The following ZNF710 variants were observed in gnomAD, a reference collection of about 807,000 sequenced individuals.
ZNF710 encodes the protein zinc finger protein 710.
Under a neutral mutation model 50.6 loss-of-function variants are expected in ZNF710, and 13 were observed. The ratio of observed to expected loss-of-function variants is 0.26; its 90% CI spans 0.17 to 0.41. The LOEUF (loss-of-function observed/expected upper bound fraction) is 0.41. Among genes scored for constraint, ZNF710 ranks in the 10% least tolerant of loss-of-function variants. The pLI is 1.00. For synonymous variants in ZNF710, 383 were observed against 397.0 expected (o/e 0.96, Z 0.42); for missense variants, 721 against 936.6 (o/e 0.77, Z 3.01).
intron 1 of ZNF710, among the ~76,000 whole-genome samples, chr15:90,013,704 C>A (rs1055955831): frequency 2.0e-5 from 3 of 152,172 alleles, no homozygotes; most frequent in African/African-American, 7.2e-5. Context: ...TATCACCAGA[C>A]GCTCTCCTTT....
chr15:90,056,354 C>T (rs1415392283), intron 1 of ZNF710, among the ~76,000 whole-genome samples: 1 of 152,012 alleles, frequency 6.6e-6, no homozygotes, highest in African/African-American at 2.4e-5. Context: ...GCGGAGGTTG[C>T]GGTGAGCCGA....
intron 4 of ZNF710, chr15:90,076,055 G>C (rs1344227461): frequency 2.6e-5 from 4 of 152,132 alleles, no homozygotes; most frequent in African/African-American, 9.7e-5. Context: ...AGTAGATCTG[G>C]GGTGGGGTCT....
chr15:90,032,988 A>T (rs968993570), intron 1 of ZNF710, among the ~76,000 whole-genome samples: 4 of 152,202 alleles, frequency 2.6e-5, no homozygotes, highest in South Asian at 2.1e-4. Flanking sequence ...ATATATCTGC[A>T]TTTAAAATTC....
chr15:90,043,062 A>T (rs1038294197), intron 1 of ZNF710, among the ~76,000 whole-genome samples: 7 of 152,196 alleles, frequency 4.6e-5, no homozygotes, highest in African/African-American at 1.7e-4. Context: ...CAGTCCCTCG[A>T]GGGGACAGCC....
At position 90,003,997 on chromosome 15, in the gene ZNF710, G is replaced by A. The variant is rs116396351; in HGVS notation, c.-29+2383G>A. ...GTGTCTTGGTGGAGGGGGCTGCAGT[G>A]AGTTGAAGTGGGACGCGGGCTCACT... On this transcript the variant is annotated intron_variant, in intron 1 of 4. Coordinates refer to ENST00000268154, the MANE Select transcript of ZNF710 (RefSeq NM_198526.4). 8.1e-3 allele frequency among the ~76,000 whole-genome samples: 1,231 copies of A among 152,260 alleles called. 19 individuals are homozygous for A. The highest frequency in any genetic ancestry group is 0.028 in the African/African-American group (1,161 of 41,548).
upstream of ZNF710, among the ~76,000 whole-genome samples, chr15:90,000,818 G>T (rs1221348560): frequency 6.6e-6 from 1 of 152,084 alleles, no homozygotes; most frequent in Non-Finnish European, 1.5e-5. Context: ...CCCAACACCC[G>T]CACCGGCTCT....
chr15:90,045,455 T>C, intron 1 of ZNF710: 1 of 947,102 alleles, frequency 1.1e-6, no homozygotes, highest in Non-Finnish European at 1.3e-6. Flanking sequence ...AGGTCAACAC[T>C]GAGGTGAGCG....
intron 1 of ZNF710, among the ~76,000 whole-genome samples, chr15:90,013,615 G>T (rs1442259122): frequency 6.6e-6 from 1 of 152,128 alleles, no homozygotes; most frequent in African/African-American, 2.4e-5. Flanking sequence ...GCCTGCCAAT[G>T]ACCACAGATT....
At chr15:90,000,226 C>CCATG (rs1400437687), upstream of ZNF710, among the ~76,000 whole-genome samples, 1 of 152,254 alleles carries the variant, frequency 6.6e-6, no homozygotes, top group Non-Finnish European at 1.5e-5. Context: ...CCCGGGCGCC[C>CCATG]CATGAATAAT....
chr15:90,062,172 C>A lies in ZNF710; in HGVS notation c.-28-4938C>A, dbSNP rs1177238754. ...CTCCCTCCCCCTCACTCAGGCTCCT[C>A]CTCTGCCCCCCCTTCCCTGTCTCTT... is the stretch of plus-strand genomic sequence containing the variant. On this transcript the variant is annotated intron_variant, in intron 1 of 4. Coordinates refer to ENST00000268154, the MANE Select transcript of ZNF710 (RefSeq NM_198526.4). This position sits in a 1 kb window ranked among gnomAD's most constrained non-coding sequence, Gnocchi z 5.6. Among the ~76,000 whole-genome samples the A allele has an allele frequency of 6.6e-6, 1 of 150,612 alleles. No individual in the cohort carries two copies. The highest frequency in any genetic ancestry group is 1.5e-5 in the Non-Finnish European group (1 of 67,584).
Position 90,067,913 on chromosome 15 carries a change from C to T in ZNF710, c.776C>T (p.Ala259Val), listed in dbSNP as rs151015405. The stretch of plus-strand genomic sequence containing the variant: ...GCCAGTGAGTTCGAGGCTGACACGG[C>T]GGGTTCGACCGTGGAACGCCACAAG... ...QEASEFEADT[A>V]GSTVERHKKA... The change falls in exon 2 of 5, where the codon GCG becomes GTG. Residue 259 changes from alanine (A) to valine (V), a missense_variant. Physicochemically the swap from Ala to Val is moderately conservative, Grantham distance 64. Coordinates refer to ENST00000268154, the MANE Select transcript of ZNF710 (RefSeq NM_198526.4). This position sits in a 1 kb window ranked among gnomAD's most constrained non-coding sequence, Gnocchi z 8.1. The T allele has an allele frequency of 3.5e-5, 56 of 1,610,740 alleles. No homozygotes were observed. The highest frequency in any genetic ancestry group is 3.3e-4 in the African/African-American group (25 of 75,068).
chr15:90,050,203 T>C (rs1899596810), intron 1 of ZNF710, among the ~76,000 whole-genome samples: 1 of 152,220 alleles, frequency 6.6e-6, no homozygotes, highest in Non-Finnish European at 1.5e-5. Flanking sequence ...GCTGGGTGTG[T>C]GGGTGACTGC....
intron 1 of ZNF710, among the ~76,000 whole-genome samples, chr15:90,057,720 T>C (rs1899867318): frequency 6.7e-6 from 1 of 148,858 alleles, no homozygotes; most frequent in South Asian, 2.1e-4. Context: ...ATAATAATAA[T>C]AATAATTTGG....
chr15:90,040,198 C>T lies in ZNF710; in HGVS notation c.-28-26912C>T, dbSNP rs1003196555. Among the ~76,000 whole-genome samples the T allele has an allele frequency of 6.6e-6, 1 of 152,222 alleles. No individual in the cohort carries two copies. Among genetic ancestry groups the T allele is most frequent in the African/African-American group, 2.4e-5 (1 of 41,466 alleles). On this transcript the variant is annotated intron_variant, in intron 1 of 4. Transcript: ENST00000268154. The surrounding 1 kb of genome is among the most constrained non-coding windows in gnomAD (Gnocchi z 4.6). ...GTCACCCAGGCCTCAGGCCTGTGCA[C>T]TGTGGCCACTGCCTCCTCTGCACGT...
intron 1 of ZNF710, among the ~76,000 whole-genome samples, chr15:90,021,016 C>G (rs566256270): frequency 9.4e-6 from 1 of 106,218 alleles, no homozygotes; most frequent in East Asian, 2.0e-4. Flanking sequence ...GGCACCCCCC[C>G]CCCCTTAGCA....
At position 90,072,991 on chromosome 15, in the gene ZNF710, C is replaced by T. The variant is rs547047999; in HGVS notation, c.1459-80C>T. On this transcript the variant is annotated intron_variant, in intron 2 of 4. Coordinates refer to ENST00000268154, the MANE Select transcript of ZNF710 (RefSeq NM_198526.4). ...GCCTTTGTGATGCTATGGCCCTGCC[C>T]CTACCCGGCTCCCCACAAAGGGTCA... 7 of 1,481,304 alleles carry T rather than the reference C, an allele frequency of 4.7e-6. No homozygotes were observed. In the Admixed American group the frequency reaches 1.3e-4, roughly 28 times the overall value. 91.8% of individuals were successfully genotyped at this position (1,481,304 alleles called of 1,614,324 possible).
rs968726824 is a variant in ZNF710, at chr15:90,040,678, T to C, written c.-28-26432T>C. On this transcript the variant is annotated intron_variant, in intron 1 of 4. Transcript: ENST00000268154. This position sits in a 1 kb window ranked among gnomAD's most constrained non-coding sequence, Gnocchi z 4.6. Reference sequence around the variant, plus strand: ...TCAAACAATACTGATGGGCTTCTAGTGCTAAAGCAGCAGGCCCCGCCCCAC... The same window carrying C: ...TCAAACAATACTGATGGGCTTCTAGCGCTAAAGCAGCAGGCCCCGCCCCAC... 1.3e-5 allele frequency among the ~76,000 whole-genome samples: 2 copies of C among 151,972 alleles called. No individual in the cohort carries two copies. The highest frequency in any genetic ancestry group is 4.8e-5 in the African/African-American group (2 of 41,354).
At chr15:90,016,657 G>A (rs913540259) in intron 1 of ZNF710, among the ~76,000 whole-genome samples, 22 of 152,106 alleles carry the variant, frequency 1.4e-4, no homozygotes, top group Admixed American at 9.2e-4. Flanking sequence ...TCAAGCTAAC[G>A]GCCTCAGTGA....
At chr15:90,017,282 GT>G (rs1462306330) in intron 1 of ZNF710, among the ~76,000 whole-genome samples, 1 of 152,192 alleles carries the variant, frequency 6.6e-6, no homozygotes, top group Non-Finnish European at 1.5e-5. Context: ...CACCTGTGCT[GT>G]TTTTCAAAGT....
Sources: allele counts gnomAD v4.1 joint callset (sites outside exome capture counted in the v4.1 genomes callset), GRCh38; gene constraint gnomAD v4.1.1; non-coding constraint Gnocchi (gnomAD v3.1); transcripts MANE v1.5; gene names NCBI Gene and HGNC (gene_info 2026-07-23, HGNC 2026-07-21).